Variants in SCN11A observed in about 807,000 individuals in gnomAD.
The protein encoded by SCN11A is sodium voltage-gated channel alpha subunit 11, also known as sodium channel protein type 11 subunit alpha.
Under a neutral mutation model 162.2 loss-of-function variants are expected in SCN11A, and 122 were observed. The ratio of observed to expected loss-of-function variants is 0.75; its 90% CI spans 0.65 to 0.87. The LOEUF (loss-of-function observed/expected upper bound fraction) is 0.87. SCN11A is among the 40% of genes least tolerant of loss of function. The probability of loss-of-function intolerance (pLI) is 0.00; values close to 1 mark genes in which losing one functional copy is unlikely to be tolerated. For synonymous variants in SCN11A, 758 were observed against 751.5 expected (o/e 1.01, Z -0.14); for missense variants, 2,015 against 2,181.6 (o/e 0.92, Z 1.52).
At chr3:38,910,233 A>G in intron 11 of SCN11A, 26 bp from the exon 12 acceptor site, 1 of 1,601,822 alleles carries the variant, frequency 6.2e-7, no homozygotes, top group South Asian at 1.1e-5. Flanking sequence ...AAACAGAGAA[A>G]TAATTATGTA....
In SCN11A at chr3:38,850,756, GA is replaced by G. The variant is rs756182817; in HGVS notation, c.4057-6del. The G allele has an allele frequency of 7.1e-6, 11 of 1,542,884 alleles. No individual in the cohort carries two copies. The highest frequency in any genetic ancestry group is 1.4e-5 in the African/African-American group (1 of 71,444). ...CACGAGACCTTGACATTTGTTCTGAGAAAAAAAAGAAATTATAAATCATTTT... is the reference window on the plus strand; with the variant it reads ...CACGAGACCTTGACATTTGTTCTGAGAAAAAAAGAAATTATAAATCATTTT... On this transcript the variant is annotated splice_polypyrimidine_tract_variant and splice_region_variant and intron_variant, in intron 28 of 29. Transcript: ENST00000302328.
At chr3:38,939,940 G>A (rs550503193) in intron 7 of SCN11A, among the ~76,000 whole-genome samples, 1 of 151,622 alleles carries the variant, frequency 6.6e-6, no homozygotes, top group African/African-American at 2.4e-5. Context: ...GAAAGATGGG[G>A]AGGAGCCATA....
rs199807325 is a variant in SCN11A, at chr3:38,899,907, C to T, written c.2009G>A (p.Arg670His). The change falls in exon 17 of 30, where the codon CGT becomes CAT. Residue 670 changes from arginine (R) to histidine (H), a missense_variant. By Grantham distance (29) the Arg-to-His change is conservative (BLOSUM62 0). Transcript: ENST00000302328. Reference sequence around the variant, plus strand: ...AAAGTGCCTTACCACTCTGAAGGAACGCAAGAATGGCCAGCTTCTCTTTTG... The same window carrying T: ...AAAGTGCCTTACCACTCTGAAGGAATGCAAGAATGGCCAGCTTCTCTTTTG... ...VLQKRSWPFL[R>H]SFRVLRVFKL... 56 of 1,613,500 alleles carry T rather than the reference C, an allele frequency of 3.5e-5. No homozygotes were observed. The highest frequency in any genetic ancestry group is 1.0e-4 in the Admixed American group (6 of 59,970).
intron 11 of SCN11A, among the ~76,000 whole-genome samples, chr3:38,917,328 G>A (rs867661350): frequency 6.6e-6 from 1 of 152,170 alleles, no homozygotes; most frequent in African/African-American, 2.4e-5. Flanking sequence ...ATACCCAAAG[G>A]AATATAAATC....
chr3:39,003,545 G>A lies in SCN11A; in HGVS notation c.-280+28835C>T, dbSNP rs186434239. Among the ~76,000 whole-genome samples the A allele has an allele frequency of 8.7e-3, 1,319 of 152,292 alleles. 17 individuals are homozygous for A. Among genetic ancestry groups the A allele is most frequent in the African/African-American group, 0.026 (1,071 of 41,556 alleles). Reference sequence around the variant, plus strand: ...GATTTATATTCCTCTGGGTCTGTACGCACTAATGAGATTGCTGGGTTGAAT... The same window carrying A: ...GATTTATATTCCTCTGGGTCTGTACACACTAATGAGATTGCTGGGTTGAAT... On this transcript the variant is annotated intron_variant, in intron 2 of 29. Coordinates refer to ENST00000302328, the MANE Select transcript of SCN11A (RefSeq NM_001349253.2).
At chr3:38,959,310 T>G (rs1189471904) in intron 3 of SCN11A, among the ~76,000 whole-genome samples, 1 of 152,214 alleles carries the variant, frequency 6.6e-6, no homozygotes, top group Non-Finnish European at 1.5e-5. Context: ...ATCACATAAG[T>G]AAGTGCTGGA....
chr3:38,848,891 G>A (rs1322238936), intron 29 of SCN11A, among the ~76,000 whole-genome samples: 1 of 152,134 alleles, frequency 6.6e-6, no homozygotes, highest in Non-Finnish European at 1.5e-5. Context: ...AAAAACTTAG[G>A]AAAGAGCTTG....
chr3:38,916,575 G>A (rs2065964327), intron 11 of SCN11A, among the ~76,000 whole-genome samples: 3 of 152,060 alleles, frequency 2.0e-5, no homozygotes, highest in Admixed American at 6.6e-5. Context: ...GACCAAAATC[G>A]TTGGCACTGA....
At position 38,995,920 on chromosome 3, in the gene SCN11A, A is replaced by T. The variant is rs189568245; in HGVS notation, c.-279-35497T>A. Among the ~76,000 whole-genome samples the T allele has an allele frequency of 2.3e-4, 35 of 152,292 alleles. 1 individual carries two copies. In the East Asian group the frequency reaches 6.6e-3, roughly 29 times the overall value. ...ACAATGTACAGATAAGGATGTATAT[A>T]GAGATAAGGACTGTGAATAAGGTCA... On this transcript the variant is annotated intron_variant, in intron 2 of 29. Coordinates refer to ENST00000302328, the MANE Select transcript of SCN11A (RefSeq NM_001349253.2).
rs773726638 is a variant in SCN11A at position 38,846,758 on chromosome 3, T to C, written c.5312A>G (p.Gln1771Arg). 19 of 1,614,010 alleles carry C rather than the reference T, an allele frequency of 1.2e-5. No homozygotes were observed. In the Admixed American group the frequency reaches 1.7e-4, roughly 14 times the overall value. The change falls in exon 30 of 30, where the codon CAG (glutamine) becomes CGG (arginine). Residue 1771 changes from glutamine to arginine, a missense_variant. By Grantham distance (43) the Gln-to-Arg change is conservative. Transcript: ENST00000302328. ...DLENGPHSPL[Q>R]TLCNGDLSSF... ...AGACAAGTCTCCATTGCAAAGAGTCTGGAGTGGTGAATGAGGCCCGTTTTC... is the reference window on the plus strand; with the variant it reads ...AGACAAGTCTCCATTGCAAAGAGTCCGGAGTGGTGAATGAGGCCCGTTTTC...
chr3:38,907,349 TCTATATATACACACACACAC>T (rs1195009541), intron 14 of SCN11A, among the ~76,000 whole-genome samples: 55 of 16,544 alleles, frequency 3.3e-3, no homozygotes, highest in African/African-American at 4.8e-3. Context: ...TGTGTATATA[TCTATATATACACACACACAC>T]ACACACACAC....
At chr3:38,849,007 C>A (rs142112224) in intron 29 of SCN11A, among the ~76,000 whole-genome samples, 1 of 152,160 alleles carries the variant, frequency 6.6e-6, no homozygotes, top group Non-Finnish European at 1.5e-5. Flanking sequence ...AATCCTACCG[C>A]TGAGTATTAT....
At chr3:38,852,427 C>T (rs2064797381) in intron 28 of SCN11A, among the ~76,000 whole-genome samples, 1 of 152,122 alleles carries the variant, frequency 6.6e-6, no homozygotes, top group Non-Finnish European at 1.5e-5. Context: ...ATAGTTAACT[C>T]TAACATCTAG....
At chr3:38,906,016 G>A (rs1478127198) in intron 14 of SCN11A, among the ~76,000 whole-genome samples, 1 of 152,140 alleles carries the variant, frequency 6.6e-6, no homozygotes, top group Non-Finnish European at 1.5e-5. Flanking sequence ...AGCCCCAGAG[G>A]GAACTATCTT....
At chr3:38,858,665 A>C (rs1417415990) in intron 28 of SCN11A, among the ~76,000 whole-genome samples, 1 of 152,224 alleles carries the variant, frequency 6.6e-6, no homozygotes, top group Non-Finnish European at 1.5e-5. Flanking sequence ...AAATGAAATT[A>C]ACAGATATTT....
chr3:38,926,194 A>G (rs2125553463), intron 8 of SCN11A, among the ~76,000 whole-genome samples: 1 of 152,292 alleles, frequency 6.6e-6, no homozygotes, highest in Non-Finnish European at 1.5e-5. Flanking sequence ...TCTTTCCTTC[A>G]GGAAGAGCTT....
At chr3:38,850,322 C>T in intron 29 of SCN11A, 159 bp downstream of exon 29, 1 of 639,368 alleles carries the variant, frequency 1.6e-6, no homozygotes, top group Non-Finnish European at 2.7e-6. Context: ...AGCAACTTCC[C>T]AGTAGAGAAT....
intron 4 of SCN11A, among the ~76,000 whole-genome samples, chr3:38,952,646 A>G (rs1279193325): frequency 6.6e-6 from 1 of 152,242 alleles, no homozygotes; most frequent in South Asian, 2.1e-4. Context: ...GGCTATGTCT[A>G]TGCATAGGAT....
intron 23 of SCN11A, among the ~76,000 whole-genome samples, chr3:38,879,708 CA>C (rs1312873329): frequency 2.6e-5 from 4 of 152,142 alleles, no homozygotes. Context: ...TGAATCCCAT[CA>C]TGGGAAAGGT....
Sources: allele counts gnomAD v4.1 joint callset (sites outside exome capture counted in the v4.1 genomes callset), GRCh38; gene constraint gnomAD v4.1.1; transcripts MANE v1.5; gene names NCBI Gene and HGNC (gene_info 2026-07-23, HGNC 2026-07-21).